RBFOX1: variants seen among roughly 807,000 people sequenced by gnomAD.
The protein encoded by RBFOX1 is RNA binding protein fox-1 homolog 1.
A neutral mutation model predicts 57.7 loss-of-function variants in RBFOX1; 8 were observed. That is an observed-to-expected ratio of 0.14 (90% confidence interval 0.08 to 0.25). RBFOX1 has a LOEUF of 0.25. RBFOX1 is among the 10% of genes least tolerant of loss of function. The probability of loss-of-function intolerance (pLI) is 1.00; values close to 1 mark genes in which losing one functional copy is unlikely to be tolerated. For missense variants in RBFOX1, 611 were observed against 548.5 expected, an observed-to-expected ratio of 1.11 and a Z score of -1.14; for synonymous variants, 326 against 222.4, an observed-to-expected ratio of 1.47 and a Z score of -4.15.
chr16:7,244,082 C>G (rs2094185942), intron 4 of RBFOX1, among the ~76,000 whole-genome samples: 1 of 151,816 alleles, frequency 6.6e-6, no homozygotes, highest in African/African-American at 2.4e-5. Context: ...TGTAATAAAA[C>G]TTTTATTTTC....
At position 5,658,817 on chromosome 16, in the gene RBFOX1, AATATATGT is replaced by A. The variant is rs200991608; in HGVS notation, c.318+59871_318+59878del. Among the ~76,000 whole-genome samples the A allele has an allele frequency of 8.8e-3, 1,285 of 146,080 alleles. 18 individuals carry two copies. Among genetic ancestry groups the A allele is most frequent in the African/African-American group, 0.03 (1,164 of 38,824 alleles). On this transcript the variant is annotated intron_variant, in intron 3 of 19. Transcript: ENST00000641259. ...AATATATGTGTATATATGTATATAT[AATATATGT>A]ATATATGTATATATATAATATATGT... is the stretch of plus-strand genomic sequence containing the variant.
chr16:6,398,038 C>A (rs1451784038), intron 2 of RBFOX1, among the ~76,000 whole-genome samples: 1 of 152,110 alleles, frequency 6.6e-6, no homozygotes, highest in Non-Finnish European at 1.5e-5. Context: ...ATAAGTCCAA[C>A]TATGTCAGGA....
Position 5,698,399 on chromosome 16 carries a change from T to C in RBFOX1, c.318+99438T>C, listed in dbSNP as rs568885427. On this transcript the variant is annotated intron_variant, in intron 3 of 19. Coordinates refer to the RBFOX1 transcript ENST00000641259. Reference sequence around the variant, plus strand: ...ACAAGGCAACTTTGATCATTACTTCTATTTTATGGTTATTGGCTTATTGTA... The same window carrying C: ...ACAAGGCAACTTTGATCATTACTTCCATTTTATGGTTATTGGCTTATTGTA... 2.6e-5 allele frequency among the ~76,000 whole-genome samples: 4 copies of C among 152,354 alleles called. No homozygotes were observed. In the South Asian group the frequency reaches 8.3e-4, roughly 32 times the overall value.
chr16:5,486,987 C>CA (rs1487951347), intron 2 of RBFOX1, among the ~76,000 whole-genome samples: 1 of 152,150 alleles, frequency 6.6e-6, no homozygotes, highest in African/African-American at 2.4e-5. Flanking sequence ...GTAATACCCC[C>CA]AGGCCTTTGC....
chr16:7,062,297 G>A (rs533890265), intron 4 of RBFOX1, among the ~76,000 whole-genome samples: 4 of 122,716 alleles, frequency 3.3e-5, no homozygotes, highest in East Asian at 2.4e-4. Context: ...CAGTCTGAGA[G>A]ACAGAGTGAG....
chr16:7,135,614 T>C (rs1042739898), intron 4 of RBFOX1, among the ~76,000 whole-genome samples: 4 of 152,254 alleles, frequency 2.6e-5, no homozygotes, highest in Non-Finnish European at 4.4e-5. Flanking sequence ...AACTTTGTAG[T>C]TGTTAATTTA....
At chr16:7,540,548 G>A (rs902386664) in intron 5 of RBFOX1, among the ~76,000 whole-genome samples, 2 of 152,202 alleles carry the variant, frequency 1.3e-5, no homozygotes, top group African/African-American at 4.8e-5. Flanking sequence ...TTAGCCTGGT[G>A]CCAGGTTTAT....
intron 2 of RBFOX1, among the ~76,000 whole-genome samples, chr16:6,324,570 A>G (rs529021944): frequency 1.3e-5 from 2 of 152,086 alleles, no homozygotes; most frequent in Non-Finnish European, 2.9e-5. Context: ...AAACAACCAG[A>G]TGTTGTTACA....
rs149779123 is a variant in RBFOX1 at position 6,778,130 on chromosome 16, C to T, written c.-16+123480C>T. Reference sequence around the variant, plus strand: ...GAATACATGATCTGGATGCGCAGTGCGATTAAACAGTGATGGCTTCATGAG... The same window carrying T: ...GAATACATGATCTGGATGCGCAGTGTGATTAAACAGTGATGGCTTCATGAG... On this transcript the variant is annotated intron_variant, in intron 3 of 15. Coordinates refer to ENST00000550418, the MANE Select transcript of RBFOX1 (RefSeq NM_018723.4). Among the ~76,000 whole-genome samples, 843 of 152,108 alleles carry T rather than the reference C, an allele frequency of 5.5e-3. 11 individuals are homozygous for T. Among genetic ancestry groups the T allele is most frequent in the African/African-American group, 0.019 (793 of 41,512 alleles).
chr16:5,269,962 G>A (rs759721388), intron 1 of RBFOX1, among the ~76,000 whole-genome samples: 4 of 151,724 alleles, frequency 2.6e-5, no homozygotes, highest in Non-Finnish European at 5.9e-5. Context: ...CCAGGCCAGC[G>A]TTGGCAACAT....
At chr16:7,116,785 C>T (rs1254394421) in intron 4 of RBFOX1, among the ~76,000 whole-genome samples, 1 of 152,110 alleles carries the variant, frequency 6.6e-6, no homozygotes, top group Non-Finnish European at 1.5e-5. Context: ...TCCTTGATGC[C>T]AGGCATGGTG....
intron 2 of RBFOX1, among the ~76,000 whole-genome samples, chr16:6,604,835 C>G (rs1365863493): frequency 6.6e-6 from 1 of 151,994 alleles, no homozygotes; most frequent in East Asian, 1.9e-4. Flanking sequence ...GAATAGATGA[C>G]TTCATAAAAA....
chr16:7,316,940 G>C (rs8058813), intron 4 of RBFOX1, among the ~76,000 whole-genome samples: 4,475 of 147,758 alleles, frequency 0.03, 140 homozygotes, highest in African/African-American at 0.084. Flanking sequence ...TGGATTTTTT[G>C]CCAAGACGAA....
At chr16:5,328,082 G>A (rs1485870988) in intron 1 of RBFOX1, among the ~76,000 whole-genome samples, 2 of 152,168 alleles carry the variant, frequency 1.3e-5, no homozygotes, top group Admixed American at 6.5e-5. Context: ...ACCAGGAGAC[G>A]TGGATTTCTT....
rs368135894 is a variant in RBFOX1, at chr16:7,043,623, G to C, written c.-15-8434G>C. Among the ~76,000 whole-genome samples the C allele has an allele frequency of 5.8e-4, 88 of 152,306 alleles. No individual in the cohort carries two copies. The South Asian group carries it at 8.7e-3, about 15-fold the overall frequency. ...AGTTCTATGCTGGTAAACTTGTCCA[G>C]TGTTTTCCTTCTAAGTGATTCATAA... is the stretch of plus-strand genomic sequence containing the variant. On this transcript the variant is annotated intron_variant, in intron 3 of 15. Transcript: ENST00000550418.
intron 3 of RBFOX1, among the ~76,000 whole-genome samples, chr16:6,746,445 G>T (rs1251037001): frequency 6.6e-6 from 1 of 152,136 alleles, no homozygotes; most frequent in Non-Finnish European, 1.5e-5. Context: ...GGGAAGACTA[G>T]ACAGTTGGAT....
intron 2 of RBFOX1, among the ~76,000 whole-genome samples, chr16:6,425,321 G>T (rs771675281): frequency 3.3e-5 from 5 of 152,132 alleles, no homozygotes; most frequent in Non-Finnish European, 7.4e-5. Flanking sequence ...GCTGAAGGAG[G>T]AATACTCTAA....
At position 6,702,049 on chromosome 16, in the gene RBFOX1, C is replaced by T. The variant is rs145157429; in HGVS notation, c.-16+47399C>T. On this transcript the variant is annotated intron_variant, in intron 3 of 15. Coordinates refer to ENST00000550418, the MANE Select transcript of RBFOX1 (RefSeq NM_018723.4). ...CTGTACACCATACCCTTGCAACATA[C>T]AATTTACCTGTATAACAAACCTGCA... Among the ~76,000 whole-genome samples, 61 of 152,142 alleles carry T rather than the reference C, an allele frequency of 4.0e-4. 1 individual carries two copies. The East Asian group carries it at 0.011, about 28-fold the overall frequency.
chr16:6,165,014 A>T (rs1293983590), intron 1 of RBFOX1, among the ~76,000 whole-genome samples: 1 of 152,186 alleles, frequency 6.6e-6, no homozygotes, highest in South Asian at 2.1e-4. Flanking sequence ...TTAATATTAT[A>T]TAAAACACTT....
Sources: gnomAD v4.1 joint callset for allele counts (sites outside exome capture counted in the v4.1 genomes callset) on GRCh38, gnomAD v4.1.1 for gene constraint, MANE v1.5 for transcripts, NCBI Gene and HGNC (gene_info 2026-07-23, HGNC 2026-07-21) for gene names.